LRP1B: variants seen among roughly 807,000 people sequenced by gnomAD.
LRP1B encodes the protein low-density lipoprotein receptor-related protein 1B.
LRP1B carries 217 observed loss-of-function variants against 556.6 expected under a neutral mutation model. That is an observed-to-expected ratio of 0.39 (90% CI 0.35 to 0.44). LRP1B has a LOEUF of 0.44. Ranked by LOEUF, LRP1B falls within the 20% of genes least tolerant of loss-of-function variation. LRP1B has a pLI of 1.00. For missense variants in LRP1B, 5,053 were observed against 5,620.8 expected (o/e 0.90, Z 3.23); for synonymous variants, 2,047 against 1,865.8 (o/e 1.10, Z -2.50).
At chr2:140,929,989 T>C (rs1230084295) in intron 20 of LRP1B, among the ~76,000 whole-genome samples, 1 of 152,128 alleles carries the variant, frequency 6.6e-6, no homozygotes, top group Non-Finnish European at 1.5e-5. Context: ...TCCGCTTCTG[T>C]TAACTGTTGT....
chr2:141,732,354 T>C (rs1693305591), intron 2 of LRP1B, among the ~76,000 whole-genome samples: 1 of 75,818 alleles, frequency 1.3e-5, no homozygotes, highest in Admixed American at 1.6e-4. Flanking sequence ...AAATAGTTTT[T>C]TTCCATTTTT....
chr2:140,654,549 C>T (rs898237159), intron 41 of LRP1B, among the ~76,000 whole-genome samples: 3 of 152,066 alleles, frequency 2.0e-5, no homozygotes, highest in African/African-American at 4.8e-5. Flanking sequence ...TTTTTCTGTA[C>T]ACTTTTTAAA....
chr2:141,864,337 CTTGT>C (rs1698337772), intron 1 of LRP1B, among the ~76,000 whole-genome samples: 1 of 152,112 alleles, frequency 6.6e-6, no homozygotes, highest in South Asian at 2.1e-4. Context: ...AAATGTGTAT[CTTGT>C]TTATTATAAA....
intron 43 of LRP1B, among the ~76,000 whole-genome samples, chr2:140,588,703 T>C (rs893968177): frequency 4.6e-5 from 7 of 152,098 alleles, no homozygotes; most frequent in Admixed American, 1.3e-4. Flanking sequence ...CATTGGCTCG[T>C]GCCTGTAATC....
intron 41 of LRP1B, among the ~76,000 whole-genome samples, chr2:140,644,147 T>C (rs780420199): frequency 1.4e-4 from 21 of 152,162 alleles, no homozygotes; most frequent in Non-Finnish European, 2.9e-5. Flanking sequence ...ATTTGAGCCT[T>C]CTTAAAGAGA....
intron 1 of LRP1B, among the ~76,000 whole-genome samples, chr2:141,972,898 T>C (rs1701785832): frequency 6.6e-6 from 1 of 151,678 alleles, no homozygotes; most frequent in Non-Finnish European, 1.5e-5. Flanking sequence ...AAGGGATTAA[T>C]AGACTCATAA....
At chr2:140,612,423 C>G (rs891241983) in intron 41 of LRP1B, among the ~76,000 whole-genome samples, 1 of 151,816 alleles carries the variant, frequency 6.6e-6, no homozygotes, top group Non-Finnish European at 1.5e-5. Flanking sequence ...TCTCCGTTTC[C>G]TTCCTTCATC....
intron 79 of LRP1B, among the ~76,000 whole-genome samples, chr2:140,326,677 A>C (rs1573796304): frequency 1.3e-5 from 2 of 151,764 alleles, no homozygotes; most frequent in African/African-American, 4.8e-5. Context: ...CAGCCTAGGC[A>C]ACAGAGTGAG....
chr2:140,907,810 G>A, intron 22 of LRP1B, 67 bp downstream of exon 22: 4 of 1,344,180 alleles, frequency 3.0e-6, no homozygotes, highest in Non-Finnish European at 4.3e-6. Context: ...ACTATATTAA[G>A]TAACAGCAAC....
intron 2 of LRP1B, among the ~76,000 whole-genome samples, chr2:141,517,697 C>T (rs947662753): frequency 2.1e-4 from 32 of 152,140 alleles, no homozygotes; most frequent in African/African-American, 7.2e-4. Flanking sequence ...CAATGTTTAC[C>T]CACCAAGAAG....
chr2:141,364,844 T>G (rs926474356), intron 3 of LRP1B, among the ~76,000 whole-genome samples: 5 of 152,174 alleles, frequency 3.3e-5, no homozygotes, highest in Non-Finnish European at 5.9e-5. Context: ...ATAACTAAAC[T>G]TTGTAATTAT....
At chr2:141,384,940 G>A (rs972373730) in intron 3 of LRP1B, among the ~76,000 whole-genome samples, 5 of 152,098 alleles carry the variant, frequency 3.3e-5, no homozygotes, top group Non-Finnish European at 7.4e-5. Context: ...AATAAATTGG[G>A]TGGAGGCTCC....
At chr2:140,513,695 C>T (rs1054870875) in intron 51 of LRP1B, among the ~76,000 whole-genome samples, 29 of 151,902 alleles carry the variant, frequency 1.9e-4, no homozygotes, top group Middle Eastern at 3.4e-3. Context: ...TAAAAAATAC[C>T]GCCTTTCTCT....
rs577436199 is a variant in LRP1B, at chr2:141,626,887, C to A, written c.206-146354G>T. On this transcript the variant is annotated intron_variant, in intron 2 of 90. Transcript: ENST00000389484. ...TATAGCCACTTTGGAAGACAGTTTG[C>A]CAGATTTTTTAAAAAGTAAACACAT... 1.9e-3 allele frequency among the ~76,000 whole-genome samples: 284 copies of A among 152,236 alleles called. 1 individual carries two copies. The highest frequency in any genetic ancestry group is 4.6e-3 in the Admixed American group (70 of 15,294).
At chr2:141,467,813 GTT>G in intron 3 of LRP1B, among the ~76,000 whole-genome samples, 2 of 19,030 alleles carry the variant, frequency 1.1e-4, no homozygotes, top group South Asian at 1.7e-3. Flanking sequence ...TTGTTTGTTT[GTT>G]TGTTTGTTTG....
chr2:141,207,268 TTC>T (rs1387752632), intron 6 of LRP1B, among the ~76,000 whole-genome samples: 2 of 152,218 alleles, frequency 1.3e-5, no homozygotes, highest in Non-Finnish European at 2.9e-5. Flanking sequence ...AGAAAAATTA[TTC>T]TCTCAGACAC....
chr2:140,460,917 G>A (rs922926732), intron 60 of LRP1B, among the ~76,000 whole-genome samples: 4 of 151,782 alleles, frequency 2.6e-5, no homozygotes, highest in Admixed American at 6.6e-5. Context: ...TCCCTGAGTC[G>A]AGTTTGATGC....
intron 7 of LRP1B, among the ~76,000 whole-genome samples, chr2:141,182,625 G>A (rs568049801): frequency 2.6e-5 from 4 of 151,784 alleles, no homozygotes; most frequent in Non-Finnish European, 4.4e-5. Flanking sequence ...AATGATTATT[G>A]GAGCTATTGG....
At chr2:141,647,758 C>A (rs1689633894) in intron 2 of LRP1B, among the ~76,000 whole-genome samples, 1 of 146,552 alleles carries the variant, frequency 6.8e-6, no homozygotes, top group African/African-American at 2.5e-5. Context: ...TTTTAATAGT[C>A]ATTGACTGGT....
Sources: allele counts gnomAD v4.1 joint callset (sites outside exome capture counted in the v4.1 genomes callset), GRCh38; gene constraint gnomAD v4.1.1; transcripts MANE v1.5; gene names NCBI Gene and HGNC (gene_info 2026-07-23, HGNC 2026-07-21).